Variants in BEAN1 observed in about 807,000 individuals in gnomAD.
The protein encoded by BEAN1 is protein BEAN1.
In BEAN1, 17 loss-of-function variants were observed where a neutral mutation model predicts 17.7. The observed-to-expected ratio is 0.96, with a 90% CI of 0.66 to 1.44. BEAN1 has a LOEUF of 1.44. Ranked by LOEUF, BEAN1 falls within the 40% of genes most tolerant of loss-of-function variation. The pLI, the probability that BEAN1 is intolerant of heterozygous loss-of-function variation, is 0.00. For synonymous variants in BEAN1, 142 were observed against 151.8 expected, an observed-to-expected ratio of 0.94 and a Z score of 0.47; for missense variants, 359 against 374.1, an observed-to-expected ratio of 0.96 and a Z score of 0.33.
chr16:66,435,328 C>T (rs1395115217), intron 1 of BEAN1, among the ~76,000 whole-genome samples: 1 of 152,138 alleles, frequency 6.6e-6, no homozygotes, highest in East Asian at 1.9e-4. Context: ...CTCATCTGCA[C>T]AATGGAAATG....
intron 2 of BEAN1, among the ~76,000 whole-genome samples, chr16:66,438,308 C>T (rs539243550): frequency 7.9e-5 from 12 of 151,756 alleles, no homozygotes; most frequent in African/African-American, 2.4e-4. Flanking sequence ...TGCTTGAATC[C>T]GGGAGGCGGA....
At position 66,480,787 on chromosome 16, in the gene BEAN1, C is replaced by G; in HGVS notation, c.642C>G (p.Pro214=). ...ACACGGTCTCCATGGACACCCTTCCCCCCTACGAGGCTGTGTGCGGGGCTG... is the reference window on the plus strand; with the variant it reads ...ACACGGTCTCCATGGACACCCTTCCGCCCTACGAGGCTGTGTGCGGGGCTG... ...GLHTVSMDTL[P]PYEAVCGAGP... The change falls in exon 5 of 5, where the codon CCC becomes CCG. Residue 214 remains proline, a synonymous_variant. Transcript: ENST00000536005. 1 of 1,550,400 alleles carries G rather than the reference C, an allele frequency of 6.4e-7. No homozygotes were observed. The highest frequency in any genetic ancestry group is 8.7e-7 in the Non-Finnish European group (1 of 1,146,478).
intron 2 of BEAN1, among the ~76,000 whole-genome samples, chr16:66,450,330 C>G (rs1962624324): frequency 6.6e-6 from 1 of 152,288 alleles, no homozygotes; most frequent in East Asian, 1.9e-4. Context: ...TGATTTAGAA[C>G]AGACTGAAAA....
rs1280741567 is a variant in BEAN1 at position 66,427,461 on chromosome 16, G to A, written c.-83+30G>A. The A allele has an allele frequency of 6.6e-6, 1 of 151,256 alleles. No individual in the cohort carries two copies. The highest frequency in any genetic ancestry group is 2.4e-5 in the African/African-American group (1 of 41,316). The allele number at this position is 151,256 out of a possible 1,614,324, so 9.4% of individuals were successfully genotyped here. On this transcript the variant is annotated intron_variant, in intron 1 of 4. Coordinates refer to ENST00000536005, the MANE Select transcript of BEAN1 (RefSeq NM_001178020.3). This position sits in a 1 kb window ranked among gnomAD's most constrained non-coding sequence, Gnocchi z 4.7. ...GGGGCGTGGGGCTGGGCGGCGCGGG[G>A]GAGGGGCGGGCGGGGGGTCCCGGCC...
chr16:66,473,460 G>A lies in BEAN1; in HGVS notation c.289+3595G>A, dbSNP rs1170750245. ...CATATCTTCCCCCAGCCTTCTGGAG[G>A]ATGCGCAGGGGCTGCCGGGAGCCTT... On this transcript the variant is annotated intron_variant, in intron 3 of 4. Coordinates refer to ENST00000536005, the MANE Select transcript of BEAN1 (RefSeq NM_001178020.3). The surrounding 1 kb of genome is among the most constrained non-coding windows in gnomAD (Gnocchi z 4.5). Among the ~76,000 whole-genome samples, 1 of 152,176 alleles carries A rather than the reference G, an allele frequency of 6.6e-6. No individual in the cohort carries two copies. Among genetic ancestry groups the A allele is most frequent in the Non-Finnish European group, 1.5e-5 (1 of 68,024 alleles).
At chr16:66,456,335 T>C (rs1002630564) in intron 2 of BEAN1, among the ~76,000 whole-genome samples, 5 of 152,258 alleles carry the variant, frequency 3.3e-5, no homozygotes, top group Non-Finnish European at 5.9e-5. Context: ...AGCCATGATT[T>C]TGAGTAGCAA....
intron 1 of BEAN1, among the ~76,000 whole-genome samples, chr16:66,433,310 C>T (rs1377844048): frequency 2.0e-5 from 3 of 152,098 alleles, no homozygotes; most frequent in South Asian, 2.1e-4. Context: ...AGGATTTCAC[C>T]ATGTTGGCCA....
intron 3 of BEAN1, chr16:66,476,185 C>T: frequency 6.6e-6 from 1 of 151,718 alleles, no homozygotes; most frequent in Non-Finnish European, 1.5e-5. Context: ...CTGGACAGGG[C>T]CACCATCAAC....
Position 66,481,004 on chromosome 16 carries a change from C to G in BEAN1, c.*79C>G, listed in dbSNP as rs1300861416. 8.4e-7 allele frequency: 1 copy of G among 1,184,516 alleles called. No individual in the cohort carries two copies. The highest frequency in any genetic ancestry group is 1.5e-5 in the African/African-American group (1 of 64,622). The allele number at this position is 1,184,516 out of a possible 1,614,324, so 73.4% of individuals were successfully genotyped here. Reference sequence around the variant, plus strand: ...AGGCACACAAAGGCGTGCACACACACACAGAGATGCACACGTGACTCATAA... The same window carrying G: ...AGGCACACAAAGGCGTGCACACACAGACAGAGATGCACACGTGACTCATAA... On this transcript the variant is annotated 3_prime_UTR_variant, in exon 5 of 5. Coordinates refer to ENST00000536005, the MANE Select transcript of BEAN1 (RefSeq NM_001178020.3). This position sits in a 1 kb window ranked among gnomAD's most constrained non-coding sequence, Gnocchi z 4.1.
At chr16:66,489,197 A>C (rs940647733) in intron 4 of BEAN1, among the ~76,000 whole-genome samples, 2 of 152,128 alleles carry the variant, frequency 1.3e-5, no homozygotes, top group African/African-American at 2.4e-5. Flanking sequence ...AAAAAAGTAT[A>C]AGTTAATAAA....
chr16:66,441,082 C>T (rs978346487), intron 2 of BEAN1, among the ~76,000 whole-genome samples: 1 of 152,176 alleles, frequency 6.6e-6, no homozygotes, highest in African/African-American at 2.4e-5. Flanking sequence ...TTGTTCGTGC[C>T]GCCAGTGGAC....
At chr16:66,449,896 G>GT (rs1962606960) in intron 2 of BEAN1, among the ~76,000 whole-genome samples, 1 of 152,116 alleles carries the variant, frequency 6.6e-6, no homozygotes, top group African/African-American at 2.4e-5. Context: ...TCTACCAAGT[G>GT]TAAGATCCAA....
intron 1 of BEAN1, among the ~76,000 whole-genome samples, chr16:66,433,968 C>T (rs1465317664): frequency 6.6e-6 from 1 of 152,214 alleles, no homozygotes; most frequent in African/African-American, 2.4e-5. Flanking sequence ...CAGCAGAGCC[C>T]AGAGTGGAGA....
intron 1 of BEAN1, among the ~76,000 whole-genome samples, chr16:66,435,499 G>T (rs748793111): frequency 6.6e-6 from 1 of 152,102 alleles, no homozygotes; most frequent in Admixed American, 6.5e-5. Flanking sequence ...GTTTGTTTTT[G>T]TTTTTTGAGA....
At chr16:66,441,551 G>C (rs1055713607) in intron 2 of BEAN1, among the ~76,000 whole-genome samples, 8 of 152,168 alleles carry the variant, frequency 5.3e-5, no homozygotes, top group Non-Finnish European at 1.2e-4. Flanking sequence ...GCCCCACCCT[G>C]TTCCCATTTG....
rs1047457830 is a variant in BEAN1 at position 66,480,720 on chromosome 16, G to A, written c.575G>A (p.Arg192Gln). 7.7e-6 allele frequency: 12 copies of A among 1,551,520 alleles called. No homozygotes were observed. In the African/African-American group the frequency reaches 8.2e-5, roughly 11 times the overall value. Residue 192 changes from arginine (R) to glutamine (Q), a missense_variant, in exon 5 of 5, where the codon CGA (arginine) becomes CAA (glutamine). By Grantham distance (43) the Arg-to-Gln change is conservative (BLOSUM62 1). Coordinates refer to ENST00000536005, the MANE Select transcript of BEAN1 (RefSeq NM_001178020.3). ...SDSGSGHSPGRHQQEQRTPAQ... is the reference protein window; with the variant it reads ...SDSGSGHSPGQHQQEQRTPAQ... ...TCAGGCAGCGGCCACAGCCCTGGCC[G>A]ACACCAGCAGGAGCAGAGGACCCCG...
chr16:66,451,613 A>C (rs1297191434), intron 2 of BEAN1, among the ~76,000 whole-genome samples: 2 of 152,108 alleles, frequency 1.3e-5, no homozygotes, highest in Non-Finnish European at 2.9e-5. Flanking sequence ...TGAATATTTG[A>C]TTGTCATGTA....
At position 66,477,543 on chromosome 16, in the gene BEAN1, T is replaced by C; in HGVS notation, c.290-17T>C. The C allele has an allele frequency of 6.6e-7, 1 of 1,522,652 alleles. No homozygotes were observed. Among genetic ancestry groups the C allele is most frequent in the Admixed American group, 2.1e-5 (1 of 48,456 alleles). The allele number at this position is 1,522,652 out of a possible 1,614,324, so 94.3% of individuals were successfully genotyped here. A position where few individuals can be genotyped will look rare whatever the true frequency, so the allele number is the denominator to read the frequency against. ...GATCCTGGTCTGAGGCCCAGGCCGG[T>C]GGTCTGTTCCCTGCAGTGTCGGACG... On this transcript the variant is annotated splice_polypyrimidine_tract_variant and intron_variant, in intron 3 of 4. Coordinates refer to ENST00000536005, the MANE Select transcript of BEAN1 (RefSeq NM_001178020.3).
intron 1 of BEAN1, among the ~76,000 whole-genome samples, chr16:66,428,690 G>T (rs1283576925): frequency 6.6e-6 from 1 of 152,114 alleles, no homozygotes; most frequent in Non-Finnish European, 1.5e-5. Flanking sequence ...ATGTAGCCTG[G>T]TGCCTGGCAC....
Sources: allele counts gnomAD v4.1 joint callset (sites outside exome capture counted in the v4.1 genomes callset), GRCh38; gene constraint gnomAD v4.1.1; non-coding constraint Gnocchi (gnomAD v3.1); transcripts MANE v1.5; gene names NCBI Gene and HGNC (gene_info 2026-07-23, HGNC 2026-07-21).